The following AOC2 variants were observed in gnomAD, a reference collection of about 807,000 sequenced individuals.
The protein encoded by AOC2 is amine oxidase [copper-containing] 2.
A neutral mutation model predicts 53.8 loss-of-function variants in AOC2; 57 were observed. That is an observed-to-expected ratio of 1.06 (90% CI 0.86 to 1.32). The LOEUF is 1.32. Ranked by LOEUF, AOC2 falls within the 40% of genes most tolerant of loss-of-function variation. The pLI is 0.00. For missense variants in AOC2, 1,008 were observed against 957.2 expected (o/e 1.05, Z -0.70); for synonymous variants, 404 against 399.0 (o/e 1.01, Z -0.15).
In AOC2 at chr17:42,845,771, G is replaced by A. The variant is rs1488664321; in HGVS notation, c.1145G>A (p.Ser382Asn). The stretch of plus-strand genomic sequence containing the variant: ...ATGCTGACTCGCTATTTGGATAGCA[G>A]CTTTGGACTCGGCCGTAACAGCCGA... The part of the protein sequence containing the change: ...KTMLTRYLDS[S>N]FGLGRNSRGL... Residue 382 changes from serine to asparagine, a missense_variant, in exon 1 of 4, where the codon AGC becomes AAC. Coordinates refer to ENST00000253799, the MANE Select transcript of AOC2 (RefSeq NM_009590.4). 6 of 1,614,180 alleles carry A rather than the reference G, an allele frequency of 3.7e-6. No individual in the cohort carries two copies. In the East Asian group the frequency reaches 1.3e-4, roughly 36 times the overall value.
chr17:42,846,259 G>A (rs2055599213), intron 1 of AOC2, 45 bp downstream of exon 1: 3 of 1,497,102 alleles, frequency 2.0e-6, no homozygotes, highest in Non-Finnish European at 2.7e-6. Flanking sequence ...GGCGGGGTCA[G>A]GTGGGGTGGA....
intron 1 of AOC2, among the ~76,000 whole-genome samples, chr17:42,848,530 TATATATATATATATAC>T (rs930842468): frequency 1.4e-5 from 2 of 139,192 alleles, no homozygotes; most frequent in East Asian, 2.0e-4. Context: ...ACTGAATATA[TATATATATATATATAC>T]ATATATATAT....
In AOC2 at chr17:42,847,115, A is replaced by C. The variant is rs139956572; in HGVS notation, c.1588+901A>C. Among the ~76,000 whole-genome samples, 68 of 152,366 alleles carry C rather than the reference A, an allele frequency of 4.5e-4. No homozygotes were observed. In the East Asian group the frequency reaches 0.013, roughly 29 times the overall value. On this transcript the variant is annotated intron_variant, in intron 1 of 3. Transcript: ENST00000253799. Reference sequence around the variant, plus strand: ...TGCATGCACTTGCACTTGTGTTCGCAGTGGTGTGGAGGGTAGGAAGGACTA... The same window carrying C: ...TGCATGCACTTGCACTTGTGTTCGCCGTGGTGTGGAGGGTAGGAAGGACTA...
intron 1 of AOC2, among the ~76,000 whole-genome samples, chr17:42,847,925 C>G (rs994529647): frequency 6.6e-6 from 1 of 151,934 alleles, no homozygotes; most frequent in Non-Finnish European, 1.5e-5. Context: ...ACCACCACAC[C>G]TGGCTAATTT....
Position 42,849,732 on chromosome 17 carries a change from T to C in AOC2, c.2004+2T>C. 6.2e-7 allele frequency: 1 copy of C among 1,613,982 alleles called. No individual in the cohort carries two copies. Reference sequence around the variant, plus strand: ...AACAATGAAACCCTCTTAGGAGAGGTTGGTTGCCCTAGGGACATAGGAAAG... The same window carrying C: ...AACAATGAAACCCTCTTAGGAGAGGCTGGTTGCCCTAGGGACATAGGAAAG... On this transcript the variant is annotated splice_donor_variant, in intron 3 of 3. Coordinates refer to ENST00000253799, the MANE Select transcript of AOC2 (RefSeq NM_009590.4). LOFTEE classifies it high-confidence loss of function.
At chr17:42,848,524 A>AATATATATATATAT (rs71228780) in intron 1 of AOC2, among the ~76,000 whole-genome samples, 18 of 131,258 alleles carry the variant, frequency 1.4e-4, no homozygotes, top group African/African-American at 4.3e-4. Flanking sequence ...AGAGGAACTG[A>AATATATATATATAT]ATATATATAT....
In AOC2 at chr17:42,845,037, G is replaced by A; in HGVS notation, c.411G>A (p.Leu137=). 1 of 1,613,972 alleles carries A rather than the reference G, an allele frequency of 6.2e-7. No homozygotes were observed. Among genetic ancestry groups the A allele is most frequent in the Non-Finnish European group, 8.5e-7 (1 of 1,180,012 alleles). The change falls in exon 1 of 4, where the codon CTG becomes CTA. Residue 137 remains leucine, a synonymous_variant. Coordinates refer to ENST00000253799, the MANE Select transcript of AOC2 (RefSeq NM_009590.4). ...GGQPQPNVSE[L]VVGPLPHPSY... Reference sequence around the variant, plus strand: ...AACCCCAACCCAATGTGAGTGAGCTGGTGGTGGGGCCGCTGCCTCACCCCT... The same window carrying A: ...AACCCCAACCCAATGTGAGTGAGCTAGTGGTGGGGCCGCTGCCTCACCCCT...
Position 42,849,704 on chromosome 17 carries a change from A to C in AOC2, c.1978A>C (p.Ile660Leu). The stretch of plus-strand genomic sequence containing the variant: ...ACCCACAGTTACCTTTGCTGACTTC[A>C]TCAACAATGAAACCCTCTTAGGAGA... ...WTPTVTFADF[I>L]NNETLLGEDL... The change falls in exon 3 of 4, where the codon ATC becomes CTC. Residue 660 changes from isoleucine to leucine, a missense_variant. Coordinates refer to ENST00000253799, the MANE Select transcript of AOC2 (RefSeq NM_009590.4). 1.9e-6 allele frequency: 3 copies of C among 1,614,228 alleles called. No individual in the cohort carries two copies. The highest frequency in any genetic ancestry group is 2.5e-6 in the Non-Finnish European group (3 of 1,180,036).
Position 42,845,648 on chromosome 17 carries a change from T to G in AOC2, c.1022T>G (p.Leu341Arg), listed in dbSNP as rs929613599. 1.2e-6 allele frequency: 2 copies of G among 1,614,088 alleles called. No homozygotes were observed. Among genetic ancestry groups the G allele is most frequent in the Non-Finnish European group, 1.7e-6 (2 of 1,180,042 alleles). ...FTFGHGVFSG[L>R]RIFDVRFQGE... Reference sequence around the variant, plus strand: ...TTTGGCCATGGGGTGTTCAGCGGCCTGAGGATTTTTGATGTTCGGTTCCAG... The same window carrying G: ...TTTGGCCATGGGGTGTTCAGCGGCCGGAGGATTTTTGATGTTCGGTTCCAG... Residue 341 changes from leucine (L) to arginine (R), a missense_variant, in exon 1 of 4, where the codon CTG becomes CGG. Leu to Arg is a moderately radical substitution (Grantham distance 102). Transcript: ENST00000253799.
At position 42,849,592 on chromosome 17, in the gene AOC2, C is replaced by G. The variant is rs1443060311; in HGVS notation, c.1875-9C>G. ...TTCCCAAAACCACCTTCTTATGATT[C>G]CTGGCCAGATACCAGCTTGTGGTGA... On this transcript the variant is annotated splice_polypyrimidine_tract_variant and intron_variant, in intron 2 of 3. Transcript: ENST00000253799. The G allele has an allele frequency of 2.5e-6, 4 of 1,614,116 alleles. No homozygotes were observed. In the Admixed American group the frequency reaches 6.7e-5, roughly 27 times the overall value.
At chr17:42,848,848 G>A (rs865799430) in intron 1 of AOC2, among the ~76,000 whole-genome samples, 2 of 152,144 alleles carry the variant, frequency 1.3e-5, no homozygotes, top group Middle Eastern at 3.4e-3. Context: ...ACCTCAGCTG[G>A]CCCTAAGTTT....
In AOC2 at chr17:42,846,172, C is replaced by G. The variant is rs1285322032; in HGVS notation, c.1546C>G (p.His516Asp). 2.1e-5 allele frequency: 33 copies of G among 1,535,364 alleles called. No homozygotes were observed. The highest frequency in any genetic ancestry group is 2.8e-5 in the Non-Finnish European group (32 of 1,141,122). The change falls in exon 1 of 4, where the codon CAC (histidine) becomes GAC (aspartate). Residue 516 changes from histidine to aspartate, a missense_variant. His to Asp is a moderately conservative substitution (Grantham distance 81). Transcript: ENST00000253799. ...RVGERVLGTV[H>D]THAFHFKLDL... is the part of the protein sequence containing the mutation. ...GGGGGAAAGAGTGCTGGGAACGGTG[C>G]ACACACATGCCTTCCACTTCAAGCT...
In AOC2 at chr17:42,845,418, C is replaced by T; in HGVS notation, c.792C>T (p.Tyr264=). 3 of 1,614,204 alleles carry T rather than the reference C, an allele frequency of 1.9e-6. No homozygotes were observed. Among genetic ancestry groups the T allele is most frequent in the Non-Finnish European group, 2.5e-6 (3 of 1,180,042 alleles). The change falls in exon 1 of 4, where the codon TAC becomes TAT. Residue 264 remains tyrosine, a synonymous_variant. Transcript: ENST00000253799. ...TVQQVFYLGH[Y]YADLGQLERE... ...AGCAGGTCTTCTACCTTGGGCACTA[C>T]TATGCAGACTTGGGCCAGTTGGAAC...
chr17:42,849,871 C>A, intron 3 of AOC2, 141 bp downstream of exon 3: 1 of 1,302,948 alleles, frequency 7.7e-7, no homozygotes, highest in Non-Finnish European at 1.1e-6. Flanking sequence ...ATGACCAACA[C>A]AGGTCATCCC....
intron 3 of AOC2, among the ~76,000 whole-genome samples, 162 bp from the exon 4 acceptor site, chr17:42,849,920 C>CT (rs1364418499): frequency 1.3e-5 from 2 of 152,204 alleles, no homozygotes; most frequent in East Asian, 3.8e-4. Flanking sequence ...TGGCTCCCCC[C>CT]TCTCCCCGCA....
intron 2 of AOC2, 96 bp downstream of exon 2, chr17:42,849,467 C>G: frequency 6.3e-7 from 1 of 1,578,260 alleles, no homozygotes; most frequent in Non-Finnish European, 8.6e-7. Flanking sequence ...ACCATTCATC[C>G]CTGTACCTCC....
rs549787218 is a variant in AOC2, at chr17:42,850,181, C to T, written c.2104C>T (p.Arg702Ter). 1.8e-5 allele frequency: 29 copies of T among 1,614,180 alleles called. No homozygotes were observed. The highest frequency in any genetic ancestry group is 1.8e-4 in the East Asian group (8 of 44,882). Residue 702 changes from arginine to a stop codon, truncating the protein, a stop_gained, in exon 4 of 4, where the codon CGA becomes TGA. Transcript: ENST00000253799. LOFTEE classifies it high-confidence loss of function. Reference sequence around the variant, plus strand: ...GGGGAACAGAGTTGGCTTCTTGCTCCGACCCTATAACTTCTTTGATGAGGA... The same window carrying T: ...GGGGAACAGAGTTGGCTTCTTGCTCTGACCCTATAACTTCTTTGATGAGGA... ...TLGNRVGFLL[R>*]PYNFFDEDPS...
intron 1 of AOC2, among the ~76,000 whole-genome samples, chr17:42,848,146 G>T (rs2055613419): frequency 6.8e-6 from 1 of 147,120 alleles, no homozygotes; most frequent in Non-Finnish European, 1.5e-5. Context: ...CTGGGTTCAA[G>T]GGATCTGCAT....
chr17:42,844,593 GT>G lies in AOC2; in HGVS notation c.-32del. 1 of 1,579,142 alleles carries G rather than the reference GT, an allele frequency of 6.3e-7. No homozygotes were observed. Among genetic ancestry groups the G allele is most frequent in the Non-Finnish European group, 8.6e-7 (1 of 1,157,188 alleles). Reference sequence around the variant, plus strand: ...ATGTCAGTAACTGGAAGGAGCAGCTGTTAGAATTCTGATTTCAGCTCTCAGC... The same window carrying G: ...ATGTCAGTAACTGGAAGGAGCAGCTGTAGAATTCTGATTTCAGCTCTCAGC... On this transcript the variant is annotated 5_prime_UTR_variant, in exon 1 of 4. Transcript: ENST00000253799.
Sources: allele counts gnomAD v4.1 joint callset (sites outside exome capture counted in the v4.1 genomes callset), GRCh38; gene constraint gnomAD v4.1.1; transcripts MANE v1.5; gene names NCBI Gene and HGNC (gene_info 2026-07-23, HGNC 2026-07-21).